Variants in PXDNL observed in about 807,000 individuals in gnomAD.
The protein encoded by PXDNL is peroxidasin like, also known as probable oxidoreductase PXDNL.
In PXDNL, 145 loss-of-function variants were observed where a neutral mutation model predicts 150.8. The ratio of observed to expected loss-of-function variants is 0.96; its 90% CI spans 0.84 to 1.10. The LOEUF (loss-of-function observed/expected upper bound fraction) is 1.10. Among genes scored for constraint, PXDNL ranks in the 50% least tolerant of loss-of-function variants. The pLI is 0.00. For missense variants in PXDNL, 2,087 were observed against 1,873.9 expected, an observed-to-expected ratio of 1.11 and a Z score of -2.10; for synonymous variants, 757 against 725.7, an observed-to-expected ratio of 1.04 and a Z score of -0.69.
At chr8:51,358,864 A>C (rs551350124) in intron 19 of PXDNL, among the ~76,000 whole-genome samples, 17 of 152,190 alleles carry the variant, frequency 1.1e-4, no homozygotes, top group Non-Finnish European at 2.5e-4. Context: ...GCAGCACACA[A>C]TCCTCCTAAA....
chr8:51,571,917 T>C (rs181423849), intron 3 of PXDNL, among the ~76,000 whole-genome samples: 273 of 151,982 alleles, frequency 1.8e-3, no homozygotes, highest in African/African-American at 4.8e-3. Flanking sequence ...TCAAGAAATG[T>C]GTAGAATAAG....
intron 2 of PXDNL, among the ~76,000 whole-genome samples, chr8:51,638,441 G>A (rs1256987218): frequency 6.6e-6 from 1 of 152,176 alleles, no homozygotes; most frequent in Non-Finnish European, 1.5e-5. Context: ...TCAGTGTGCT[G>A]TATTCAGGAG....
chr8:51,498,072 A>G (rs1202363346), intron 5 of PXDNL, among the ~76,000 whole-genome samples: 10 of 152,264 alleles, frequency 6.6e-5, no homozygotes, highest in African/African-American at 2.4e-4. Flanking sequence ...AAAATATGGC[A>G]CATATACACC....
chr8:51,403,861 T>C (rs117897744), intron 17 of PXDNL, among the ~76,000 whole-genome samples: 2,827 of 152,288 alleles, frequency 0.019, 37 homozygotes, highest in Non-Finnish European at 0.027. Flanking sequence ...AAGAATGAAC[T>C]TGCGGACCCT....
intron 8 of PXDNL, among the ~76,000 whole-genome samples, chr8:51,471,776 T>C (rs1810340614): frequency 6.6e-6 from 1 of 151,318 alleles, no homozygotes; most frequent in Admixed American, 6.6e-5. Flanking sequence ...AAGCTCCGCC[T>C]CCCGGGTTCA....
At chr8:51,331,131 G>C (rs28861369) in intron 21 of PXDNL, among the ~76,000 whole-genome samples, 309 of 152,268 alleles carry the variant, frequency 2.0e-3, no homozygotes, top group African/African-American at 7.0e-3. Context: ...GGACCCAGGA[G>C]ACACCCCAAA....
At chr8:51,534,014 G>A (rs1269604072) in intron 4 of PXDNL, among the ~76,000 whole-genome samples, 5 of 141,784 alleles carry the variant, frequency 3.5e-5, no homozygotes, top group East Asian at 2.0e-4. Flanking sequence ...GTCTCTGCCC[G>A]GCCGCCATCC....
At chr8:51,798,970 A>ACT (rs755219451) in intron 1 of PXDNL, among the ~76,000 whole-genome samples, 4 of 152,242 alleles carry the variant, frequency 2.6e-5, no homozygotes, top group Non-Finnish European at 4.4e-5. Context: ...CACAATAGTT[A>ACT]AGACATGGAA....
At chr8:51,610,000 C>T (rs1202842929) in intron 2 of PXDNL, among the ~76,000 whole-genome samples, 1 of 149,612 alleles carries the variant, frequency 6.7e-6, no homozygotes, top group Non-Finnish European at 1.5e-5. Context: ...TGCAAGGTCA[C>T]ATGTTACTGG....
chr8:51,377,386 T>C (rs1488532365), intron 17 of PXDNL, among the ~76,000 whole-genome samples: 1 of 152,160 alleles, frequency 6.6e-6, no homozygotes, highest in East Asian at 1.9e-4. Flanking sequence ...CGCGGCCTCC[T>C]CAGCCTCAGT....
At chr8:51,788,788 C>T (rs73590429) in intron 1 of PXDNL, among the ~76,000 whole-genome samples, 4,594 of 152,274 alleles carry the variant, frequency 0.03, 112 homozygotes, top group African/African-American at 0.063. Context: ...CTGGAAAAAA[C>T]AACCTCATTC....
intron 17 of PXDNL, among the ~76,000 whole-genome samples, chr8:51,403,097 A>T (rs1280878353): frequency 6.6e-6 from 1 of 151,758 alleles, no homozygotes; most frequent in African/African-American, 2.4e-5. Flanking sequence ...CCAAAAAAAA[A>T]AAAAAAGAAA....
intron 1 of PXDNL, among the ~76,000 whole-genome samples, chr8:51,804,620 C>T (rs1316583090): frequency 1.3e-5 from 2 of 152,212 alleles, no homozygotes; most frequent in African/African-American, 4.8e-5. Flanking sequence ...ACAGGGACCA[C>T]AGCTTTGCTG....
At chr8:51,366,908 C>T (rs886798916) in intron 19 of PXDNL, among the ~76,000 whole-genome samples, 3 of 152,110 alleles carry the variant, frequency 2.0e-5, no homozygotes, top group South Asian at 4.2e-4. Context: ...CAAGACCATC[C>T]TGGTCAACAT....
At chr8:51,786,614 T>G (rs2037463049) in intron 1 of PXDNL, among the ~76,000 whole-genome samples, 1 of 151,128 alleles carries the variant, frequency 6.6e-6, no homozygotes, top group African/African-American at 2.4e-5. Context: ...CCAGCAACTG[T>G]GACACACTGA....
intron 1 of PXDNL, among the ~76,000 whole-genome samples, chr8:51,805,261 A>G (rs2037662925): frequency 6.6e-6 from 1 of 151,578 alleles, no homozygotes; most frequent in Non-Finnish European, 1.5e-5. Context: ...AAGCTACAAA[A>G]AATTTTGTAA....
At chr8:51,334,612 C>G (rs1805787109) in intron 21 of PXDNL, among the ~76,000 whole-genome samples, 2 of 151,938 alleles carry the variant, frequency 1.3e-5, no homozygotes. Flanking sequence ...TCCAAATAAC[C>G]TCACTGAGAA....
At chr8:51,326,495 G>GA (rs774581391) in intron 21 of PXDNL, among the ~76,000 whole-genome samples, 1 of 151,948 alleles carries the variant, frequency 6.6e-6, no homozygotes, top group South Asian at 2.1e-4. Context: ...CTCAGTCTCA[G>GA]AAAAAAAGTA....
rs1563433344 is a variant in PXDNL, at chr8:51,486,767, TATATATATATATATATA to T, written c.453-3070_453-3054del. ...TAAAAAGTTTATATATATATATATATATATATATATATATATATATATATATATTTTTTTTTTTTTTT... is the reference window on the plus strand; with the variant it reads ...TAAAAAGTTTATATATATATATATATTATATATATATTTTTTTTTTTTTTT... On this transcript the variant is annotated intron_variant, in intron 5 of 22. Transcript: ENST00000356297. Among the ~76,000 whole-genome samples the T allele has an allele frequency of 7.6e-3, 71 of 9,296 alleles. 3 individuals carry two copies. Among genetic ancestry groups the T allele is most frequent in the African/African-American group, 0.017 (69 of 3,968 alleles). 6.1% of individuals were successfully genotyped at this position (9,296 alleles called of 152,430 possible).
Sources: allele counts gnomAD v4.1 joint callset (sites outside exome capture counted in the v4.1 genomes callset), GRCh38; gene constraint gnomAD v4.1.1; transcripts MANE v1.5; gene names NCBI Gene and HGNC (gene_info 2026-07-23, HGNC 2026-07-21).